Variants in WAS observed in about 807,000 individuals in gnomAD.
WAS encodes actin nucleation-promoting factor WAS.
Under a neutral mutation model 38.9 loss-of-function variants are expected in WAS, and 1 was observed. That is an observed-to-expected ratio of 0.03 (90% CI 0.01 to 0.12). The LOEUF (loss-of-function observed/expected upper bound fraction) is 0.12, where lower values mean the gene tolerates loss of function less well. WAS is among the 10% of genes least tolerant of loss of function. The pLI is 1.00. For missense variants in WAS, 311 were observed against 431.2 expected, an observed-to-expected ratio of 0.72 and a Z score of 2.47; for synonymous variants, 182 against 173.6, an observed-to-expected ratio of 1.05 and a Z score of -0.38.
upstream of WAS, among the ~76,000 whole-genome samples, chrX:48,682,820 G>A (rs1488902839): frequency 9.2e-5 from 10 of 108,622 alleles, no homozygotes; most frequent in African/African-American, 2.7e-4. Flanking sequence ...ACTTGAACCC[G>A]GGAGGCAAAG....
intron 10 of WAS, 79 bp downstream of exon 10, chrX:48,689,145 G>C: frequency 9.3e-7 from 1 of 1,073,611 alleles, no homozygotes; most frequent in Non-Finnish European, 1.3e-6. Flanking sequence ...GGGGGGCTGA[G>C]GCCAGGACTG....
chrX:48,685,412 T>C (rs1185720105), intron 2 of WAS, 135 bp from the exon 3 acceptor site: 1 of 515,691 alleles, frequency 1.9e-6, no homozygotes, highest in African/African-American at 2.3e-5. Flanking sequence ...AACTCTCTGG[T>C]GCTGAGCTGA....
intron 1 of WAS, among the ~76,000 whole-genome samples, chrX:48,677,433 T>C (rs1395404335): frequency 9.0e-6 from 1 of 111,642 alleles, no homozygotes; most frequent in East Asian, 2.8e-4. Flanking sequence ...TAATGAATAA[T>C]TATAACACGT....
At chrX:48,677,828 G>A (rs1282220623) in intron 1 of WAS, among the ~76,000 whole-genome samples, 22 of 112,371 alleles carry the variant, frequency 2.0e-4, no homozygotes, top group African/African-American at 7.1e-4. Flanking sequence ...CCCACGCAGG[G>A]GCAGTGAACA....
chrX:48,683,554 G>A (rs1421864918), upstream of WAS, among the ~76,000 whole-genome samples: 1 of 111,375 alleles, frequency 9.0e-6, no homozygotes, highest in African/African-American at 3.3e-5. Flanking sequence ...CCAGAGGGAG[G>A]AGGGTCTGAG....
upstream of WAS, among the ~76,000 whole-genome samples, chrX:48,680,280 C>T (rs188854414): frequency 3.6e-5 from 4 of 111,296 alleles, no homozygotes; most frequent in East Asian, 2.8e-4. Context: ...CCCTCTAAAC[C>T]GTTAGGATTA....
At chrX:48,680,963 T>A (rs1274864641), upstream of WAS, among the ~76,000 whole-genome samples, 1 of 111,436 alleles carries the variant, frequency 9.0e-6, no homozygotes, top group Non-Finnish European at 1.9e-5. Context: ...GAGAAAGAAG[T>A]AGAAAGGTGG....
upstream of WAS, chrX:48,683,792 G>A (rs1199275582): frequency 8.4e-7 from 1 of 1,188,190 alleles, no homozygotes; most frequent in African/African-American, 1.8e-5. Flanking sequence ...GCTCATTGCG[G>A]AAGTTCCTCT....
chrX:48,686,231 G>T (rs2062419569), intron 6 of WAS, 97 bp downstream of exon 6: 1 of 1,010,186 alleles, frequency 9.9e-7, no homozygotes, highest in Non-Finnish European at 1.4e-6. Flanking sequence ...GAATGGATAG[G>T]TAGATTGATA....
chrX:48,677,389 A>G (rs1279254905), intron 1 of WAS, among the ~76,000 whole-genome samples: 1 of 111,866 alleles, frequency 8.9e-6, no homozygotes, highest in Non-Finnish European at 1.9e-5. Flanking sequence ...TCATTGATCC[A>G]AGTTACTCAG....
At chrX:48,679,024 TTTTC>T (rs1245358432), upstream of WAS, among the ~76,000 whole-genome samples, 5 of 110,063 alleles carry the variant, frequency 4.5e-5, no homozygotes, top group Admixed American at 9.7e-5. Context: ...TGCTTTAAGT[TTTTC>T]TTTCTTTTTT....
chrX:48,677,841 G>A (rs1351753437), intron 1 of WAS, among the ~76,000 whole-genome samples: 1 of 112,366 alleles, frequency 8.9e-6, no homozygotes, highest in Non-Finnish European at 1.9e-5. Context: ...AGTGAACAGA[G>A]GAGAGGGAAG....
intron 1 of WAS, among the ~76,000 whole-genome samples, chrX:48,678,152 A>G (rs1242240887): frequency 4.5e-5 from 5 of 111,886 alleles, no homozygotes; most frequent in African/African-American, 1.6e-4. Context: ...GTTTCTTATT[A>G]AAAGGGAGCA....
At position 48,688,374 on chromosome X, in the gene WAS, C is replaced by G. The variant is rs1557007037; in HGVS notation, c.852C>G (p.Ala284=). ...TCAGCGAGGCCCAGCTCACCGACGC[C>G]GAGACCTCTAAACTTATCTACGACT... The part of the protein sequence containing the change: ...AGISEAQLTD[A]ETSKLIYDFI... The change falls in exon 9 of 12, where the codon GCC becomes GCG. Residue 284 remains alanine, a synonymous_variant. Transcript: ENST00000376701. The G allele has an allele frequency of 8.3e-7, 1 of 1,210,856 alleles. No homozygotes were observed. The highest frequency in any genetic ancestry group is 1.1e-6 in the Non-Finnish European group (1 of 895,115).
chrX:48,684,384 C>A lies in WAS; in HGVS notation c.234C>A (p.Asn78Lys), dbSNP rs1557006333. The A allele has an allele frequency of 8.3e-7, 1 of 1,209,134 alleles. No homozygotes were observed. Among genetic ancestry groups the A allele is most frequent in the African/African-American group, 1.8e-5 (1 of 56,949 alleles). Residue 78 changes from asparagine to lysine, a missense_variant, in exon 2 of 12, where the codon AAC becomes AAA. By Grantham distance (94) the Asn-to-Lys change is moderately conservative. Transcript: ENST00000376701. The stretch of plus-strand genomic sequence containing the variant: ...GGGCTGTGTGCTTCGTGAAGGATAA[C>A]CCCCAGAAGTCCTACTTCATCCGCC... ...HCGAVCFVKD[N>K]PQKSYFIRLY...
chrX:48,689,906 T>C, intron 11 of WAS, among the ~76,000 whole-genome samples: 1 of 106,492 alleles, frequency 9.4e-6, no homozygotes, highest in Non-Finnish European at 1.9e-5. Context: ...GAGGCTGAGG[T>C]GGGAGGATTG....
intron 8 of WAS, 39 bp from the exon 9 acceptor site, chrX:48,688,261 T>G: frequency 1.7e-6 from 2 of 1,180,523 alleles, no homozygotes; most frequent in Non-Finnish European, 2.3e-6. Context: ...CTCGCCTTAT[T>G]CCTCTACTCC....
At position 48,688,044 on chromosome X, in the gene WAS, C is replaced by T; in HGVS notation, c.735-10C>T. On this transcript the variant is annotated splice_polypyrimidine_tract_variant and intron_variant, in intron 7 of 11. Coordinates refer to ENST00000376701, the MANE Select transcript of WAS (RefSeq NM_000377.3). The stretch of plus-strand genomic sequence containing the variant: ...GTGAGGATTCACTGGAGTCTCTTCA[C>T]CTCTCCCAGGCATGTCAGCCACGTG... 2 of 1,205,682 alleles carry T rather than the reference C, an allele frequency of 1.7e-6. No homozygotes were observed. Among genetic ancestry groups the T allele is most frequent in the Non-Finnish European group, 2.2e-6 (2 of 892,253 alleles).
chrX:48,682,680 G>A (rs1277069955), upstream of WAS, among the ~76,000 whole-genome samples: 4 of 111,029 alleles, frequency 3.6e-5, no homozygotes, highest in Non-Finnish European at 5.7e-5. Context: ...GGATCACGAG[G>A]TCGAGAAATC....
Sources: gnomAD v4.1 joint callset for allele counts (sites outside exome capture counted in the v4.1 genomes callset) on GRCh38, gnomAD v4.1.1 for gene constraint, MANE v1.5 for transcripts, NCBI Gene and HGNC (gene_info 2026-07-23, HGNC 2026-07-21) for gene names.